The following COL23A1 variants were observed in gnomAD, a reference collection of about 807,000 sequenced individuals.
The protein encoded by COL23A1 is collagen type XXIII alpha 1 chain.
Under a neutral mutation model 99.3 loss-of-function variants are expected in COL23A1, and 97 were observed. That is an observed-to-expected ratio of 0.98 (90% confidence interval 0.83 to 1.16). The LOEUF (loss-of-function observed/expected upper bound fraction) is 1.16. Among genes scored for constraint, COL23A1 ranks in the 50% most tolerant of loss-of-function variants. The probability of loss-of-function intolerance (pLI) is 0.00; values close to 1 mark genes in which losing one functional copy is unlikely to be tolerated. For missense variants in COL23A1, 762 were observed against 757.4 expected, an observed-to-expected ratio of 1.01 and a Z score of -0.07; for synonymous variants, 320 against 308.2, an observed-to-expected ratio of 1.04 and a Z score of -0.40.
intron 4 of COL23A1, among the ~76,000 whole-genome samples, 160 bp downstream of exon 4, chr5:178,290,202 G>A (rs1054700555): frequency 5.9e-5 from 9 of 152,196 alleles, no homozygotes; most frequent in African/African-American, 2.2e-4. Flanking sequence ...AAAGTGCTGG[G>A]ATTCCAGGCG....
rs1194176712 is a variant in COL23A1, at chr5:178,308,765, C to T, written c.362-1846G>A. On this transcript the variant is annotated intron_variant, in intron 2 of 28. Transcript: ENST00000390654. This position sits in a 1 kb window ranked among gnomAD's most constrained non-coding sequence, Gnocchi z 5.1. ...GCCTGGGAACCTCCAGAGCCAGTCA[C>T]ACCGGATGACTGGCCCTGGTTATTA... is the stretch of plus-strand genomic sequence containing the variant. 6.6e-6 allele frequency among the ~76,000 whole-genome samples: 1 copy of T among 152,078 alleles called. No homozygotes were observed. Among genetic ancestry groups the T allele is most frequent in the Non-Finnish European group, 1.5e-5 (1 of 68,034 alleles).
At chr5:178,239,926 C>T (rs1023996810) in intron 27 of COL23A1, among the ~76,000 whole-genome samples, 29 of 152,276 alleles carry the variant, frequency 1.9e-4, no homozygotes, top group Middle Eastern at 3.4e-3. Context: ...CCTGATGTGA[C>T]GGTCACTCTG....
chr5:178,356,441 A>G (rs2127688010), intron 2 of COL23A1, among the ~76,000 whole-genome samples: 1 of 152,272 alleles, frequency 6.6e-6, no homozygotes. Context: ...AAGAGGGGGC[A>G]TTTGTTTGAG....
At chr5:178,268,809 C>T in intron 6 of COL23A1, 53 bp from the exon 7 acceptor site, 1 of 1,566,168 alleles carries the variant, frequency 6.4e-7, no homozygotes, top group Non-Finnish European at 8.7e-7. Flanking sequence ...CCTAGGCTGG[C>T]TCCCCTTCTG....
At chr5:178,278,251 C>A (rs1756699959) in intron 5 of COL23A1, among the ~76,000 whole-genome samples, 1 of 152,224 alleles carries the variant, frequency 6.6e-6, no homozygotes, top group Non-Finnish European at 1.5e-5. Context: ...AGGCCAAGCT[C>A]TGCCCTCCTG....
chr5:178,246,220 C>A, intron 24 of COL23A1, 34 bp downstream of exon 24: 2 of 1,551,688 alleles, frequency 1.3e-6, no homozygotes, highest in Non-Finnish European at 1.7e-6. Flanking sequence ...CAGGTGGCCA[C>A]GGTTGGAGAG....
chr5:178,290,326 C>T (rs1367161490), intron 4 of COL23A1, 36 bp downstream of exon 4: 3 of 1,613,828 alleles, frequency 1.9e-6, no homozygotes, highest in Non-Finnish European at 2.5e-6. Flanking sequence ...AACATCTTAT[C>T]TTTCAGAAGC....
intron 2 of COL23A1, among the ~76,000 whole-genome samples, chr5:178,369,513 T>C (rs1331032550): frequency 6.6e-6 from 1 of 152,196 alleles, no homozygotes; most frequent in Non-Finnish European, 1.5e-5. Context: ...TTTGGCTGTA[T>C]CCCCACCCAA....
intron 2 of COL23A1, among the ~76,000 whole-genome samples, chr5:178,486,670 A>ATT (rs2127961530): frequency 6.6e-6 from 1 of 152,288 alleles, no homozygotes; most frequent in East Asian, 1.9e-4. Context: ...GCCGGGTGAA[A>ATT]AAGGAAGGAC....
chr5:178,533,767 G>C (rs1760782958), intron 2 of COL23A1, among the ~76,000 whole-genome samples: 1 of 152,192 alleles, frequency 6.6e-6, no homozygotes, highest in Non-Finnish European at 1.5e-5. Context: ...AAAGTGCTGG[G>C]ATTACAGGCA....
intron 2 of COL23A1, among the ~76,000 whole-genome samples, chr5:178,380,843 A>G (rs1763344328): frequency 6.6e-6 from 1 of 152,180 alleles, no homozygotes; most frequent in Admixed American, 6.5e-5. Context: ...TTCTGCCAGG[A>G]CAGCCTTCCA....
chr5:178,529,753 C>T (rs1006952666), intron 2 of COL23A1, among the ~76,000 whole-genome samples: 1 of 152,104 alleles, frequency 6.6e-6, no homozygotes, highest in African/African-American at 2.4e-5. Context: ...ACACATCTCC[C>T]GTGAGTGGGG....
intron 1 of COL23A1, among the ~76,000 whole-genome samples, chr5:178,565,125 G>A (rs893922534): frequency 6.6e-6 from 1 of 152,194 alleles, no homozygotes; most frequent in Non-Finnish European, 1.5e-5. Flanking sequence ...TGTCTACATT[G>A]ACGTAGAAAC....
intron 2 of COL23A1, among the ~76,000 whole-genome samples, chr5:178,358,741 CTGTG>C (rs551784624): frequency 0.017 from 1,523 of 87,666 alleles, 19 homozygotes; most frequent in Middle Eastern, 0.033. Flanking sequence ...GTATGTGTAT[CTGTG>C]TGTGTATCTG....
Position 178,238,534 on chromosome 5 carries a change from G to A in COL23A1, c.*164C>T. On this transcript the variant is annotated 3_prime_UTR_variant, in exon 29 of 29. Transcript: ENST00000390654. ...GGTCTGGCCTGTCCACTTTCCGGCA[G>A]CTTCACATGCCGGTGGCTTTGGGGC... 1 of 905,822 alleles carries A rather than the reference G, an allele frequency of 1.1e-6. No homozygotes were observed. Among genetic ancestry groups the A allele is most frequent in the Non-Finnish European group, 1.7e-6 (1 of 581,220 alleles). 56.1% of individuals were successfully genotyped at this position (905,822 alleles called of 1,614,324 possible).
At position 178,434,855 on chromosome 5, in the gene COL23A1, G is replaced by A. The variant is rs913990170; in HGVS notation, c.361+125827C>T. Among the ~76,000 whole-genome samples, 1 of 152,226 alleles carries A rather than the reference G, an allele frequency of 6.6e-6. No individual in the cohort carries two copies. The highest frequency in any genetic ancestry group is 2.4e-5 in the African/African-American group (1 of 41,466). ...GCTCAGGGCTGGTTTCAAAGCCTCT[G>A]CCCGCTGCAGGAAGGCAGGCATCCA... is the stretch of plus-strand genomic sequence containing the variant. On this transcript the variant is annotated intron_variant, in intron 2 of 28. Transcript: ENST00000390654. The surrounding 1 kb of genome is among the most constrained non-coding windows in gnomAD (Gnocchi z 4.3).
rs1359524202 is a variant in COL23A1, at chr5:178,560,700, C to T, written c.343G>A (p.Glu115Lys). ...KIRTAREAPS[E>K]CVCPPGPPGR... ...CACTTACCTGGGGGGCAGACACATTCGGATGGAGCTTCCCGAGCAGTCCGG... is the reference window on the plus strand; with the variant it reads ...CACTTACCTGGGGGGCAGACACATTTGGATGGAGCTTCCCGAGCAGTCCGG... The change falls in exon 2 of 29, where the codon GAA (glutamate) becomes AAA (lysine). Residue 115 changes from glutamate (E) to lysine (K), a missense_variant. Glu to Lys is a moderately conservative substitution (Grantham distance 56, BLOSUM62 1). Transcript: ENST00000390654. The T allele has an allele frequency of 6.2e-7, 1 of 1,612,332 alleles. No homozygotes were observed. Among genetic ancestry groups the T allele is most frequent in the Admixed American group, 1.7e-5 (1 of 59,802 alleles).
At chr5:178,471,105 G>C (rs944365484) in intron 2 of COL23A1, among the ~76,000 whole-genome samples, 1 of 152,230 alleles carries the variant, frequency 6.6e-6, no homozygotes, top group Non-Finnish European at 1.5e-5. Context: ...GCAGGAAACA[G>C]AGGGCACCCC....
In COL23A1 at chr5:178,434,694, T is replaced by C. The variant is rs1766456539; in HGVS notation, c.361+125988A>G. Among the ~76,000 whole-genome samples, 1 of 152,190 alleles carries C rather than the reference T, an allele frequency of 6.6e-6. No homozygotes were observed. Among genetic ancestry groups the C allele is most frequent in the South Asian group, 2.1e-4 (1 of 4,826 alleles). ...GGAGGGAAGAATCTGACCCTACCTG[T>C]GCCCCTCTAGAGGCCGGTGCCTCCC... On this transcript the variant is annotated intron_variant, in intron 2 of 28. Coordinates refer to ENST00000390654, the MANE Select transcript of COL23A1 (RefSeq NM_173465.4). The surrounding 1 kb of genome is among the most constrained non-coding windows in gnomAD (Gnocchi z 4.3).
Sources: allele counts gnomAD v4.1 joint callset (sites outside exome capture counted in the v4.1 genomes callset), GRCh38; gene constraint gnomAD v4.1.1; non-coding constraint Gnocchi (gnomAD v3.1); transcripts MANE v1.5; gene names NCBI Gene and HGNC (gene_info 2026-07-23, HGNC 2026-07-21).